The following MGAT4A variants were observed in gnomAD, a reference collection of about 807,000 sequenced individuals.
MGAT4A encodes the protein alpha-1,3-mannosyl-glycoprotein 4-beta-N-acetylglucosaminyltransferase A.
Under a neutral mutation model 74.1 loss-of-function variants are expected in MGAT4A, and 33 were observed. The observed-to-expected ratio is 0.45, with a 90% CI of 0.34 to 0.60. The LOEUF (loss-of-function observed/expected upper bound fraction) is 0.60. MGAT4A is among the 20% of genes least tolerant of loss of function. The pLI is 0.02. For synonymous variants in MGAT4A, 198 were observed against 210.4 expected, an observed-to-expected ratio of 0.94 and a Z score of 0.51; for missense variants, 479 against 628.3, an observed-to-expected ratio of 0.76 and a Z score of 2.54.
In MGAT4A at chr2:98,621,868, G is replaced by C. The variant is rs1701065902; in HGVS notation, c.*3698C>G. On this transcript the variant is annotated 3_prime_UTR_variant, in exon 16 of 16. Transcript: ENST00000393487. ...AACAACACCTTCTAATTATTGACTA[G>C]TGCAACCACTGATTTGAGAAGATAC... 9.9e-7 allele frequency: 1 copy of C among 1,006,906 alleles called. No individual in the cohort carries two copies. The highest frequency in any genetic ancestry group is 1.2e-6 in the Non-Finnish European group (1 of 843,812). The allele number at this position is 1,006,906 out of a possible 1,614,324, so 62.4% of individuals were successfully genotyped here. A position where few individuals can be genotyped will look rare whatever the true frequency, so the allele number is the denominator to read the frequency against.
intron 2 of MGAT4A, among the ~76,000 whole-genome samples, chr2:98,690,863 A>T (rs144243878): frequency 1.5e-3 from 227 of 152,306 alleles, no homozygotes; most frequent in African/African-American, 5.2e-3. Flanking sequence ...AAAAAACTTA[A>T]TGGGTGAGCT....
chr2:98,649,182 G>A (rs1466175591), intron 8 of MGAT4A, among the ~76,000 whole-genome samples: 1 of 152,160 alleles, frequency 6.6e-6, no homozygotes, highest in Admixed American at 6.5e-5. Flanking sequence ...GTATTTACTG[G>A]CATAGCAAGG....
chr2:98,717,334 G>A (rs1311755689), intron 2 of MGAT4A, among the ~76,000 whole-genome samples: 3 of 151,276 alleles, frequency 2.0e-5, no homozygotes, highest in Admixed American at 1.3e-4. Flanking sequence ...AACCGAGATC[G>A]TGCCACTGCA....
Position 98,619,988 on chromosome 2 carries a change from C to G in MGAT4A, c.*5578G>C, listed in dbSNP as rs1701023426. 6.6e-6 allele frequency: 1 copy of G among 152,156 alleles called. No individual in the cohort carries two copies. Among genetic ancestry groups the G allele is most frequent in the Non-Finnish European group, 1.5e-5 (1 of 68,026 alleles). 9.4% of individuals were successfully genotyped at this position (152,156 alleles called of 1,614,324 possible). A position where few individuals can be genotyped will look rare whatever the true frequency, so the allele number is the denominator to read the frequency against. On this transcript the variant is annotated 3_prime_UTR_variant, in exon 16 of 16. Transcript: ENST00000393487. ...TTCCCATCAATGCTCAGTTTACTTT[C>G]TTGAATGAGGTCTTCTAAATTCTCA...
chr2:98,698,884 C>CT (rs1559171961), intron 2 of MGAT4A, among the ~76,000 whole-genome samples: 1 of 152,158 alleles, frequency 6.6e-6, no homozygotes, highest in African/African-American at 2.4e-5. Context: ...TCTTTAGCTC[C>CT]TTTTTATCTT....
chr2:98,721,081 T>C (rs1279763707), intron 2 of MGAT4A, among the ~76,000 whole-genome samples: 1 of 152,174 alleles, frequency 6.6e-6, no homozygotes, highest in East Asian at 1.9e-4. Context: ...TTCCATAAGA[T>C]TAATAGCTGA....
At position 98,624,579 on chromosome 2, in the gene MGAT4A, A is replaced by G. The variant is rs934749962; in HGVS notation, c.*987T>C. On this transcript the variant is annotated 3_prime_UTR_variant, in exon 16 of 16. Transcript: ENST00000393487. ...TATGACTCATACAATAGCAACACCT[A>G]GAAAACATTTTGTCTGACGTCATAA... The G allele has an allele frequency of 1.2e-5, 12 of 984,768 alleles. No homozygotes were observed. The African/African-American group carries it at 2.1e-4, about 17-fold the overall frequency. The allele number at this position is 984,768 out of a possible 1,614,324, so 61.0% of individuals were successfully genotyped here.
chr2:98,640,730 T>C (rs950112097), intron 10 of MGAT4A, among the ~76,000 whole-genome samples: 1 of 152,192 alleles, frequency 6.6e-6, no homozygotes, highest in Non-Finnish European at 1.5e-5. Flanking sequence ...CCTTGATAAA[T>C]AGTCATGATC....
At chr2:98,729,277 A>C (rs980445645) in intron 1 of MGAT4A, among the ~76,000 whole-genome samples, 4 of 152,184 alleles carry the variant, frequency 2.6e-5, no homozygotes, top group African/African-American at 7.2e-5. Flanking sequence ...TGCGTGTTTT[A>C]CTCAGTAAGA....
chr2:98,678,476 A>T lies in MGAT4A; in HGVS notation c.95-5T>A. 6.4e-7 allele frequency: 1 copy of T among 1,560,988 alleles called. No homozygotes were observed. On this transcript the variant is annotated splice_polypyrimidine_tract_variant and splice_region_variant and intron_variant, in intron 2 of 15. Transcript: ENST00000393487. Reference sequence around the variant, plus strand: ...GTTGATAAGCAATCAGTTTTTCTAGAAGCAAAACCAAAACAGTTATAGTAT... The same window carrying T: ...GTTGATAAGCAATCAGTTTTTCTAGTAGCAAAACCAAAACAGTTATAGTAT...
intron 2 of MGAT4A, among the ~76,000 whole-genome samples, chr2:98,723,030 A>G (rs147444250): frequency 1.1e-4 from 16 of 152,256 alleles, no homozygotes; most frequent in Non-Finnish European, 2.4e-4. Flanking sequence ...AATCTGCCTC[A>G]TTTTTATGTG....
Position 98,623,218 on chromosome 2 carries a change from T to C in MGAT4A, c.*2348A>G, listed in dbSNP as rs994711249. 1 of 985,240 alleles carries C rather than the reference T, an allele frequency of 1.0e-6. No individual in the cohort carries two copies. Among genetic ancestry groups the C allele is most frequent in the Non-Finnish European group, 1.2e-6 (1 of 829,910 alleles). The allele number at this position is 985,240 out of a possible 1,614,324, so 61.0% of individuals were successfully genotyped here. On this transcript the variant is annotated 3_prime_UTR_variant, in exon 16 of 16. Coordinates refer to ENST00000393487, the MANE Select transcript of MGAT4A (RefSeq NM_012214.3). ...AAGGAGTCTTGGGAACAAGAATGAG[T>C]TTCTTGGGAACAACAGGTGGACCAA...
At chr2:98,655,906 C>T (rs1318815539) in intron 7 of MGAT4A, 1 of 183,610 alleles carries the variant, frequency 5.4e-6, no homozygotes, top group East Asian at 1.6e-4. Context: ...TCCTTGACCA[C>T]AGACCCTTTT....
At chr2:98,716,282 C>T (rs1702590300) in intron 2 of MGAT4A, among the ~76,000 whole-genome samples, 1 of 152,182 alleles carries the variant, frequency 6.6e-6, no homozygotes, top group Admixed American at 6.5e-5. Context: ...CATGATCACA[C>T]TACTTCGCTC....
chr2:98,676,041 G>A (rs1327181408), intron 3 of MGAT4A, among the ~76,000 whole-genome samples: 1 of 151,724 alleles, frequency 6.6e-6, no homozygotes, highest in African/African-American at 2.4e-5. Flanking sequence ...TTTTATTAGA[G>A]GAACCAATGA....
rs566185879 is a variant in MGAT4A at position 98,628,774 on chromosome 2, AT to A, written c.1469-2940del. Among the ~76,000 whole-genome samples the A allele has an allele frequency of 3.1e-3, 465 of 151,940 alleles. 4 individuals carry two copies. The highest frequency in any genetic ancestry group is 0.01 in the African/African-American group (431 of 41,432). On this transcript the variant is annotated intron_variant, in intron 14 of 15. Transcript: ENST00000393487. The stretch of plus-strand genomic sequence containing the variant: ...TTTTGATGATGGATAAGTACTTGTA[AT>A]TTTTTTTTAAGTCAGAGTGCCATGA...
intron 2 of MGAT4A, among the ~76,000 whole-genome samples, chr2:98,719,026 G>A (rs1425146328): frequency 6.6e-6 from 1 of 152,176 alleles, no homozygotes; most frequent in Non-Finnish European, 1.5e-5. Context: ...CAAAGAAGGG[G>A]CTTCATTTGC....
At chr2:98,652,886 A>G (rs1313896532) in intron 8 of MGAT4A, among the ~76,000 whole-genome samples, 3 of 152,150 alleles carry the variant, frequency 2.0e-5, no homozygotes, top group Non-Finnish European at 1.5e-5. Context: ...CAGCCTCCCA[A>G]AGTGTTGGGA....
chr2:98,657,723 A>C (rs562382376), intron 6 of MGAT4A, among the ~76,000 whole-genome samples: 1 of 152,200 alleles, frequency 6.6e-6, no homozygotes, highest in Non-Finnish European at 1.5e-5. Context: ...ATATTATAAA[A>C]AATAATATCT....
Sources: allele counts gnomAD v4.1 joint callset (sites outside exome capture counted in the v4.1 genomes callset), GRCh38; gene constraint gnomAD v4.1.1; transcripts MANE v1.5; gene names NCBI Gene and HGNC (gene_info 2026-07-23, HGNC 2026-07-21).